CLEC18B: variants seen among roughly 807,000 people sequenced by gnomAD.
CLEC18B encodes mannose receptor-like 2.
In CLEC18B, 5 loss-of-function variants were observed where a neutral mutation model predicts 60.4. The ratio of observed to expected loss-of-function variants is 0.08; its 90% CI spans 0.04 to 0.17. The LOEUF (loss-of-function observed/expected upper bound fraction) is 0.17, where lower values mean the gene tolerates loss of function less well. Among genes scored for constraint, CLEC18B ranks in the 10% least tolerant of loss-of-function variants. The pLI is 1.00. For missense variants in CLEC18B, 26 were observed against 572.8 expected (o/e 0.05, Z 9.74); for synonymous variants, 16 against 221.2 (o/e 0.07, Z 8.23).
intron 3 of CLEC18B, 136 bp downstream of exon 3, chr16:74,417,923 A>C (rs1390798745): frequency 7.6e-7 from 1 of 1,319,228 alleles, no homozygotes; most frequent in Non-Finnish European, 1.0e-6. Flanking sequence ...GTATCAAAAA[A>C]AAAAAAAGTA....
At chr16:74,418,951 A>T (rs878978598) in intron 2 of CLEC18B, among the ~76,000 whole-genome samples, 1 of 152,038 alleles carries the variant, frequency 6.6e-6, no homozygotes, top group Non-Finnish European at 1.5e-5. Context: ...GTGACACCAC[A>T]CCTGGCTAAT....
chr16:74,412,925 G>A (rs1184903827), intron 5 of CLEC18B, 45 bp from the exon 6 acceptor site: 2 of 1,612,084 alleles, frequency 1.2e-6, no homozygotes, highest in East Asian at 2.2e-5. Context: ...TCGCCTCCCA[G>A]CAGGCCGGGC....
upstream of CLEC18B, chr16:74,422,135 G>A (rs1193437647): frequency 2.7e-5 from 4 of 150,748 alleles, no homozygotes; most frequent in African/African-American, 4.9e-5. Context: ...AACAGGCGGC[G>A]TAGCAGGTGG....
rs1488654411 is a variant in CLEC18B, at chr16:74,408,694, C to A, written c.*312G>T. The A allele has an allele frequency of 1.2e-5, 7 of 598,166 alleles. No homozygotes were observed. The highest frequency in any genetic ancestry group is 3.0e-6 in the Non-Finnish European group (1 of 331,970). The allele number at this position is 598,166 out of a possible 1,614,324, so 37.1% of individuals were successfully genotyped here. ...GCCACAGGGAAGCTCCGCTGCCCCA[C>A]AGGGTCTGGGCCAGGTGGAAGAGAG... On this transcript the variant is annotated 3_prime_UTR_variant, in exon 12 of 12. Transcript: ENST00000682950.
rs1313422234 is a variant in CLEC18B, at chr16:74,416,194, C to T, written c.456+1865G>A. ...AGGAGAATGGTGTGAACCCAGGAGG[C>T]GGAGCTTGCAGTGAGCCGAGATCGC... is the stretch of plus-strand genomic sequence containing the variant. On this transcript the variant is annotated intron_variant, in intron 3 of 11. Coordinates refer to ENST00000682950, the MANE Select transcript of CLEC18B (RefSeq NM_001385193.1). Among the ~76,000 whole-genome samples the T allele has an allele frequency of 3.4e-5, 5 of 149,222 alleles. No homozygotes were observed. The East Asian group carries it at 6.4e-4, about 19-fold the overall frequency.
intron 2 of CLEC18B, among the ~76,000 whole-genome samples, chr16:74,419,163 C>T (rs2013559707): frequency 6.6e-6 from 1 of 152,270 alleles, no homozygotes; most frequent in Admixed American, 6.5e-5. Flanking sequence ...GTCCCCTGAT[C>T]TCCCGAGACT....
In CLEC18B at chr16:74,409,583, A is replaced by G. The variant is rs775015556; in HGVS notation, c.1270T>C (p.Cys424Arg). Residue 424 changes from cysteine (C) to arginine (R), a missense_variant, in exon 11 of 12, where the codon TGC (cysteine) becomes CGC (arginine). Cys to Arg is a radical substitution (Grantham distance 180). Transcript: ENST00000682950. ...SAAFNWNDQR[C>R]KTRNRYICQF... ...CAGATGTAACGGTTTCGGGTTTTGC[A>G]GCGCTGGTCGTTCCAGTTGAAGGCA... 2 of 1,613,794 alleles carry G rather than the reference A, an allele frequency of 1.2e-6. No homozygotes were observed. Among genetic ancestry groups the G allele is most frequent in the African/African-American group, 2.7e-5 (2 of 74,902 alleles).
At chr16:74,421,821 C>G (rs1477468567), upstream of CLEC18B, 1 of 145,310 alleles carries the variant, frequency 6.9e-6, no homozygotes, top group East Asian at 2.1e-4. Context: ...TTGGGAAGCT[C>G]GTCCCAACCC....
chr16:74,419,070 C>T (rs1324188921), intron 2 of CLEC18B, among the ~76,000 whole-genome samples: 21 of 152,256 alleles, frequency 1.4e-4, no homozygotes, highest in African/African-American at 2.2e-4. Context: ...GCTGGGATTA[C>T]AGGTGTGAGC....
chr16:74,416,452 A>C (rs1336109443), intron 3 of CLEC18B, among the ~76,000 whole-genome samples: 1 of 152,096 alleles, frequency 6.6e-6, no homozygotes. Flanking sequence ...AGCTCACTGC[A>C]ATCTTCACCT....
intron 2 of CLEC18B, among the ~76,000 whole-genome samples, chr16:74,419,902 A>G (rs2013600134): frequency 6.6e-6 from 1 of 151,364 alleles, no homozygotes; most frequent in South Asian, 2.1e-4. Flanking sequence ...AATGGAGGGC[A>G]GCGTTTCTGA....
chr16:74,423,227 T>C (rs1223334208), upstream of CLEC18B, among the ~76,000 whole-genome samples: 1 of 150,702 alleles, frequency 6.6e-6, no homozygotes, highest in African/African-American at 2.4e-5. Context: ...AGCTCTGCTA[T>C]GCCGGGTGAT....
intron 4 of CLEC18B, among the ~76,000 whole-genome samples, chr16:74,413,370 C>G (rs2013270409): frequency 6.6e-6 from 1 of 152,280 alleles, no homozygotes; most frequent in South Asian, 2.1e-4. Context: ...GGACCAGTAT[C>G]CAGGAAGGGA....
chr16:74,417,810 C>T (rs2013481601), intron 3 of CLEC18B, among the ~76,000 whole-genome samples: 1 of 151,428 alleles, frequency 6.6e-6, no homozygotes, highest in African/African-American at 2.4e-5. Context: ...CCCAGCTAGT[C>T]AGGAGGCTGA....
rs577874512 is a variant in CLEC18B at position 74,421,446 on chromosome 16, G to A, written c.-176C>T. 1.3e-3 allele frequency: 1,738 copies of A among 1,294,438 alleles called. 18 individuals carry two copies. Among genetic ancestry groups the A allele is most frequent in the South Asian group, 0.013 (825 of 65,158 alleles). 80.2% of individuals were successfully genotyped at this position (1,294,438 alleles called of 1,614,324 possible). On this transcript the variant is annotated 5_prime_UTR_variant, in exon 1 of 12. Coordinates refer to ENST00000682950, the MANE Select transcript of CLEC18B (RefSeq NM_001385193.1). ...GGTGAGTGAGTAATCAGTGTGTCCA[G>A]ACAGCCTCCTGTTGGCGCTGGCATG...
At chr16:74,413,727 A>T (rs1471571623) in intron 3 of CLEC18B, 51 bp from the exon 4 acceptor site, 1 of 1,612,950 alleles carries the variant, frequency 6.2e-7, no homozygotes, top group East Asian at 2.2e-5. Context: ...ACCCCTGGGG[A>T]GGGGGACACA....
At chr16:74,416,036 G>A (rs1218748815) in intron 3 of CLEC18B, among the ~76,000 whole-genome samples, 70 of 152,260 alleles carry the variant, frequency 4.6e-4, no homozygotes, top group African/African-American at 1.5e-3. Flanking sequence ...CGAGGCAGGC[G>A]GATCATGAGG....
chr16:74,419,288 C>T (rs1422312957), intron 2 of CLEC18B, among the ~76,000 whole-genome samples: 4 of 152,172 alleles, frequency 2.6e-5, no homozygotes, highest in South Asian at 2.1e-4. Context: ...CAACTTCATC[C>T]TGCACTAATG....
chr16:74,414,198 G>A (rs1163937330), intron 3 of CLEC18B, among the ~76,000 whole-genome samples: 9 of 152,292 alleles, frequency 5.9e-5, no homozygotes, highest in Non-Finnish European at 7.3e-5. Flanking sequence ...TTAGTTGAGA[G>A]GGGGATGGAG....
Sources: gnomAD v4.1 joint callset for allele counts (sites outside exome capture counted in the v4.1 genomes callset) on GRCh38, gnomAD v4.1.1 for gene constraint, MANE v1.5 for transcripts, NCBI Gene and HGNC (gene_info 2026-07-23, HGNC 2026-07-21) for gene names.